The following POLA2 variants were observed in gnomAD, a reference collection of about 807,000 sequenced individuals.
POLA2 encodes DNA polymerase alpha subunit B.
POLA2 carries 47 observed loss-of-function variants against 82.8 expected under a neutral mutation model. The ratio of observed to expected loss-of-function variants is 0.57; its 90% CI spans 0.45 to 0.72. The LOEUF is 0.72. Among genes scored for constraint, POLA2 ranks in the 30% least tolerant of loss-of-function variants. The pLI is 0.00. For synonymous variants in POLA2, 287 were observed against 286.8 expected, an observed-to-expected ratio of 1.00 and a Z score of -0.01; for missense variants, 634 against 728.1, an observed-to-expected ratio of 0.87 and a Z score of 1.49.
At chr11:65,263,215 T>G (rs960212895) in intron 1 of POLA2, among the ~76,000 whole-genome samples, 2 of 145,622 alleles carry the variant, frequency 1.4e-5, no homozygotes, top group African/African-American at 5.2e-5. Context: ...GCCTTCTCTC[T>G]CTCTCTTTTT....
chr11:65,283,011 A>G (rs1288828169), intron 10 of POLA2, among the ~76,000 whole-genome samples: 1 of 152,162 alleles, frequency 6.6e-6, no homozygotes, highest in Non-Finnish European at 1.5e-5. Context: ...GCATGCCTGT[A>G]GTCCTAGCTA....
chr11:65,289,031 T>C lies in POLA2; in HGVS notation c.1132-19T>C. On this transcript the variant is annotated intron_variant, in intron 11 of 17. Coordinates refer to ENST00000265465, the MANE Select transcript of POLA2 (RefSeq NM_002689.4). ...GATTCTGATTTGTTCTTTTGGTGTCTTTGTTTCTCCCCTTGCAGTTTGGCC... is the reference window on the plus strand; with the variant it reads ...GATTCTGATTTGTTCTTTTGGTGTCCTTGTTTCTCCCCTTGCAGTTTGGCC... 2 of 1,612,458 alleles carry C rather than the reference T, an allele frequency of 1.2e-6. No individual in the cohort carries two copies. The highest frequency in any genetic ancestry group is 1.1e-5 in the South Asian group (1 of 90,800).
rs959039757 is a variant in POLA2, at chr11:65,279,057, A to G, written c.655+134A>G. 1.4e-5 allele frequency: 10 copies of G among 696,132 alleles called. No individual in the cohort carries two copies. In the Admixed American group the frequency reaches 1.7e-4, roughly 12 times the overall value. The allele number at this position is 696,132 out of a possible 1,614,324, so 43.1% of individuals were successfully genotyped here. On this transcript the variant is annotated intron_variant, in intron 6 of 17. Coordinates refer to ENST00000265465, the MANE Select transcript of POLA2 (RefSeq NM_002689.4). ...AATGTATGAGTTGGTAGATGTCCTCATGGAAGCCCTAGTAATGGAGGGACA... is the reference window on the plus strand; with the variant it reads ...AATGTATGAGTTGGTAGATGTCCTCGTGGAAGCCCTAGTAATGGAGGGACA...
intron 5 of POLA2, among the ~76,000 whole-genome samples, chr11:65,276,883 C>T (rs1949586370): frequency 6.6e-6 from 1 of 151,560 alleles, no homozygotes; most frequent in Admixed American, 6.6e-5. Context: ...CCTCTGCCTC[C>T]CGGTTCAAGC....
At chr11:65,302,214 C>T (rs1474163454), downstream of POLA2, among the ~76,000 whole-genome samples, 1 of 152,250 alleles carries the variant, frequency 6.6e-6, no homozygotes, top group Non-Finnish European at 1.5e-5. Flanking sequence ...CCCATCGCTC[C>T]CAGATCTTCC....
intron 7 of POLA2, 127 bp from the exon 8 acceptor site, chr11:65,280,865 A>G (rs1473737300): frequency 3.3e-6 from 3 of 918,894 alleles, no homozygotes; most frequent in Non-Finnish European, 5.0e-6. Flanking sequence ...CTCAGGGTCA[A>G]AGCAATGCCC....
At chr11:65,275,493 T>G (rs576202148) in intron 4 of POLA2, among the ~76,000 whole-genome samples, 1 of 152,136 alleles carries the variant, frequency 6.6e-6, no homozygotes, top group African/African-American at 2.4e-5. Flanking sequence ...CCAAAGTAAG[T>G]AGTAATGTCC....
chr11:65,301,872 A>G (rs772912874), downstream of POLA2, among the ~76,000 whole-genome samples: 8 of 152,198 alleles, frequency 5.3e-5, no homozygotes, highest in African/African-American at 9.6e-5. Flanking sequence ...TCCCCAAGCG[A>G]CCATGCCTAC....
chr11:65,274,216 G>A (rs577938851), intron 4 of POLA2, among the ~76,000 whole-genome samples: 9 of 151,856 alleles, frequency 5.9e-5, no homozygotes, highest in Non-Finnish European at 1.3e-4. Flanking sequence ...GCTGGGCGTG[G>A]TGGTGCATGC....
At chr11:65,298,712 T>C (rs912300834), downstream of POLA2, 1 of 152,272 alleles carries the variant, frequency 6.6e-6, no homozygotes, top group Non-Finnish European at 1.5e-5. Context: ...TTCATTAGTT[T>C]TATAGGCACC....
chr11:65,299,317 T>TCCCATG (rs1200509586), downstream of POLA2, among the ~76,000 whole-genome samples: 1 of 152,160 alleles, frequency 6.6e-6, no homozygotes, highest in Non-Finnish European at 1.5e-5. Context: ...AGGATTTGCC[T>TCCCATG]CCCATGCCCA....
chr11:65,266,402 CT>C, intron 1 of POLA2, 179 bp from the exon 2 acceptor site: 1 of 604,650 alleles, frequency 1.7e-6, no homozygotes, highest in Non-Finnish European at 2.9e-6. Context: ...TTTGTCTCCC[CT>C]CAGTGGTGAG....
chr11:65,289,960 G>A (rs551225063), intron 13 of POLA2, 88 bp downstream of exon 13: 47 of 861,422 alleles, frequency 5.5e-5, no homozygotes, highest in Non-Finnish European at 8.4e-5. Context: ...CTTAAAAGTC[G>A]TGGCAGGGCC....
chr11:65,266,672 T>A lies in POLA2; in HGVS notation c.170T>A (p.Leu57His), dbSNP rs767368934. 7 of 1,614,034 alleles carry A rather than the reference T, an allele frequency of 4.3e-6. No individual in the cohort carries two copies. The highest frequency in any genetic ancestry group is 1.3e-5 in the African/African-American group (1 of 74,924). The part of the protein sequence containing the change: ...AFCTSTHKVG[L>H]TSEILNSFEH... ...TGCACCAGCACACATAAAGTTGGCC[T>A]TACCTCAGAGATCCTGAACTCTTTT... is the stretch of plus-strand genomic sequence containing the variant. Residue 57 changes from leucine (L) to histidine (H), a missense_variant, in exon 2 of 18, where the codon CTT (leucine) becomes CAT (histidine). By Grantham distance (99) the Leu-to-His change is moderately conservative. Transcript: ENST00000265465.
chr11:65,267,382 T>C (rs1183597334), intron 2 of POLA2, 95 bp from the exon 3 acceptor site: 1 of 672,868 alleles, frequency 1.5e-6, no homozygotes, highest in East Asian at 2.8e-5. Flanking sequence ...TCTTTGATTA[T>C]ATTTTGAATA....
At chr11:65,300,349 C>A (rs1487407872), downstream of POLA2, among the ~76,000 whole-genome samples, 1 of 151,744 alleles carries the variant, frequency 6.6e-6, no homozygotes, top group Non-Finnish European at 1.5e-5. Context: ...GTGCCTGCCA[C>A]CACACCTGGC....
intron 11 of POLA2, among the ~76,000 whole-genome samples, chr11:65,288,518 T>G (rs1176236187): frequency 6.1e-5 from 9 of 148,308 alleles, no homozygotes; most frequent in African/African-American, 2.2e-4. Context: ...TTTTGTTTTT[T>G]TTTTTTTTTT....
intron 1 of POLA2, 51 bp downstream of exon 1, chr11:65,262,422 G>T (rs190624852): frequency 2.0e-6 from 3 of 1,487,134 alleles, no homozygotes; most frequent in Non-Finnish European, 2.8e-6. Context: ...GCTCTCGCCC[G>T]AGTTCCTCGG....
At position 65,267,203 on chromosome 11, in the gene POLA2, C is replaced by CA. The variant is rs199806641; in HGVS notation, c.205-264dup. On this transcript the variant is annotated intron_variant, in intron 2 of 17. Transcript: ENST00000265465. ...CCTGGGACAGAGCGAGACTCCATCTCAAAAAAAAAAGAAATGAGAATGGAC... is the reference window on the plus strand; with the variant it reads ...CCTGGGACAGAGCGAGACTCCATCTCAAAAAAAAAAAGAAATGAGAATGGAC... Among the ~76,000 whole-genome samples, 177 of 143,886 alleles carry CA rather than the reference C, an allele frequency of 1.2e-3. 2 individuals carry two copies. In the South Asian group the frequency reaches 0.026, roughly 21 times the overall value. 94.4% of individuals were successfully genotyped at this position (143,886 alleles called of 152,430 possible).
Sources: gnomAD v4.1 joint callset for allele counts (sites outside exome capture counted in the v4.1 genomes callset) on GRCh38, gnomAD v4.1.1 for gene constraint, MANE v1.5 for transcripts, NCBI Gene and HGNC (gene_info 2026-07-23, HGNC 2026-07-21) for gene names.